The following FGD3 variants were observed in gnomAD, a reference collection of about 807,000 sequenced individuals.
FGD3 encodes FYVE, RhoGEF and PH domain containing 3, also known as FYVE, RhoGEF and PH domain-containing protein 3.
A neutral mutation model predicts 71.8 loss-of-function variants in FGD3; 45 were observed. The observed-to-expected ratio is 0.63, with a 90% CI of 0.49 to 0.80. The LOEUF (loss-of-function observed/expected upper bound fraction) is 0.80. FGD3 is among the 30% of genes least tolerant of loss of function. FGD3 has a pLI of 0.00. For synonymous variants in FGD3, 378 were observed against 392.8 expected, an observed-to-expected ratio of 0.96 and a Z score of 0.44; for missense variants, 844 against 951.5, an observed-to-expected ratio of 0.89 and a Z score of 1.49.
At chr9:92,968,292 A>G (rs982814861) in intron 1 of FGD3, among the ~76,000 whole-genome samples, 1 of 152,178 alleles carries the variant, frequency 6.6e-6, no homozygotes, top group Non-Finnish European at 1.5e-5. Flanking sequence ...GGTGTGAGCC[A>G]TATTTGTGAG....
chr9:93,034,147 G>C lies in FGD3; in HGVS notation c.1786-394G>C, dbSNP rs190546495. 1,011 of 158,352 alleles carry C rather than the reference G, an allele frequency of 6.4e-3. 8 individuals are homozygous for C. The highest frequency in any genetic ancestry group is 0.023 in the African/African-American group (949 of 41,058). 9.8% of individuals were successfully genotyped at this position (158,352 alleles called of 1,614,324 possible). A position where few individuals can be genotyped will look rare whatever the true frequency, so the allele number is the denominator to read the frequency against. ...GACAGAGGGAGGGCCTGTGTGTGTG[G>C]TGTGTGTGTGTGTGCTGTGTGTGCA... is the stretch of plus-strand genomic sequence containing the variant. On this transcript the variant is annotated intron_variant, in intron 16 of 17. Coordinates refer to ENST00000375482, the MANE Select transcript of FGD3 (RefSeq NM_001083536.2).
intron 1 of FGD3, among the ~76,000 whole-genome samples, chr9:92,962,174 C>G (rs978083511): frequency 2.0e-5 from 3 of 152,248 alleles, no homozygotes; most frequent in African/African-American, 7.2e-5. Context: ...AAGCCACAAA[C>G]CCCTCCCCAT....
At chr9:92,998,574 C>G (rs1461382970) in intron 3 of FGD3, among the ~76,000 whole-genome samples, 1 of 152,128 alleles carries the variant, frequency 6.6e-6, no homozygotes, top group East Asian at 1.9e-4. Context: ...GAATTTTCAG[C>G]TTTTCTGCTC....
Position 93,032,882 on chromosome 9 carries a change from T to C in FGD3, c.1785+9T>C, listed in dbSNP as rs776094372. 18 of 1,611,104 alleles carry C rather than the reference T, an allele frequency of 1.1e-5. No homozygotes were observed. Among genetic ancestry groups the C allele is most frequent in the Non-Finnish European group, 1.4e-5 (16 of 1,177,394 alleles). On this transcript the variant is annotated intron_variant, in intron 16 of 17. Coordinates refer to ENST00000375482, the MANE Select transcript of FGD3 (RefSeq NM_001083536.2). ...CCCCTGAGAGCACAGAGGTGGGTGC[T>C]CCCAGCTCCTGCTCCCCTCCTGGTG...
chr9:92,983,293 C>T lies in FGD3; in HGVS notation c.453+6584C>T, dbSNP rs1180520004. ...ATCCCAGCACTTTGGGAGGCTGAGG[C>T]GGGTGGATCATGAGGTCAGGAGATC... On this transcript the variant is annotated intron_variant, in intron 3 of 17. Coordinates refer to ENST00000375482, the MANE Select transcript of FGD3 (RefSeq NM_001083536.2). Among the ~76,000 whole-genome samples, 7 of 151,818 alleles carry T rather than the reference C, an allele frequency of 4.6e-5. No homozygotes were observed. The South Asian group carries it at 1.0e-3, about 23-fold the overall frequency.
intron 3 of FGD3, among the ~76,000 whole-genome samples, chr9:93,001,763 C>T (rs1180923375): frequency 6.6e-6 from 1 of 152,202 alleles, no homozygotes; most frequent in African/African-American, 2.4e-5. Context: ...CTGTGGAAAT[C>T]TGTCTGTGTG....
chr9:92,996,365 T>C (rs1348863051), intron 3 of FGD3, among the ~76,000 whole-genome samples: 1 of 152,222 alleles, frequency 6.6e-6, no homozygotes. Flanking sequence ...TTTTTCTCTC[T>C]TTTCTTCTTT....
In FGD3 at chr9:93,005,872, A is replaced by G. The variant is rs995531914; in HGVS notation, c.681-152A>G. On this transcript the variant is annotated intron_variant, in intron 5 of 17. Transcript: ENST00000375482. ...TTTTCTACTCTACATGACATAGGGG[A>G]GGAAGCTAAGGCTCAGAGAGGGTGA... 2.1e-5 allele frequency: 14 copies of G among 676,934 alleles called. No individual in the cohort carries two copies. The African/African-American group carries it at 2.4e-4, about 11-fold the overall frequency. The allele number at this position is 676,934 out of a possible 1,614,324, so 41.9% of individuals were successfully genotyped here.
intron 1 of FGD3, among the ~76,000 whole-genome samples, chr9:92,962,185 C>A (rs923915924): frequency 1.3e-4 from 20 of 152,260 alleles, no homozygotes; most frequent in Admixed American, 1.2e-3. Flanking sequence ...CCCTCCCCAT[C>A]CTCTTTTTGT....
chr9:92,990,206 G>A (rs1456384494), intron 3 of FGD3, among the ~76,000 whole-genome samples: 2 of 152,088 alleles, frequency 1.3e-5, no homozygotes, highest in African/African-American at 2.4e-5. Flanking sequence ...GGGAGGCTGA[G>A]GTGGGAGGAC....
intron 1 of FGD3, among the ~76,000 whole-genome samples, chr9:92,960,878 C>T (rs955152307): frequency 5.9e-5 from 9 of 151,868 alleles, no homozygotes; most frequent in East Asian, 1.9e-4. Context: ...GTGATCCCCC[C>T]GGGCCTCTCT....
intron 1 of FGD3, among the ~76,000 whole-genome samples, chr9:92,962,496 G>A (rs180691964): frequency 1.1e-4 from 17 of 152,318 alleles, no homozygotes; most frequent in Middle Eastern, 6.8e-3. Context: ...CCAGGGCCCC[G>A]GCATTGACAG....
At chr9:93,032,921 T>G in intron 16 of FGD3, 48 bp downstream of exon 16, 5 of 1,502,624 alleles carry the variant, frequency 3.3e-6, no homozygotes, top group Non-Finnish European at 4.6e-6. Context: ...CGGCAGAGCC[T>G]CCAGACACCT....
At chr9:93,004,733 G>GTGCCCTTCGCAGGCCCGGCTTCCCTC (rs1158726967) in intron 5 of FGD3, among the ~76,000 whole-genome samples, 1 of 152,130 alleles carries the variant, frequency 6.6e-6, no homozygotes, top group African/African-American at 2.4e-5. Context: ...TCTACTGCCT[G>GTGCCCTTCGCAGGCCCGGCTTCCCTC]TGCCCTTCGC....
chr9:92,960,367 A>C (rs1169492078), intron 1 of FGD3, among the ~76,000 whole-genome samples: 1 of 151,638 alleles, frequency 6.6e-6, no homozygotes, highest in Non-Finnish European at 1.5e-5. Flanking sequence ...TCCTATCCCC[A>C]CGTCCTCATG....
At chr9:93,019,806 A>C (rs2118788011) in intron 11 of FGD3, 25 bp from the exon 12 acceptor site, 1 of 1,612,552 alleles carries the variant, frequency 6.2e-7, no homozygotes, top group Non-Finnish European at 8.5e-7. Context: ...GACTGGATTA[A>C]TACAAGACCG....
At chr9:93,008,550 G>A (rs1435380744) in intron 6 of FGD3, among the ~76,000 whole-genome samples, 1 of 152,204 alleles carries the variant, frequency 6.6e-6, no homozygotes, top group East Asian at 1.9e-4. Flanking sequence ...GAGTGAGGCT[G>A]TGCTCTTCTC....
At chr9:92,983,106 T>C (rs1480457585) in intron 3 of FGD3, among the ~76,000 whole-genome samples, 1 of 151,676 alleles carries the variant, frequency 6.6e-6, no homozygotes, top group Non-Finnish European at 1.5e-5. Flanking sequence ...ATTCACCTTT[T>C]AAAAAGGATT....
At chr9:92,959,253 G>T (rs1032082506) in intron 1 of FGD3, among the ~76,000 whole-genome samples, 1 of 151,894 alleles carries the variant, frequency 6.6e-6, no homozygotes, top group African/African-American at 2.4e-5. Context: ...GAACCACTGC[G>T]CCCAGTCAAA....
Sources: gnomAD v4.1 joint callset for allele counts (sites outside exome capture counted in the v4.1 genomes callset) on GRCh38, gnomAD v4.1.1 for gene constraint, MANE v1.5 for transcripts, NCBI Gene and HGNC (gene_info 2026-07-23, HGNC 2026-07-21) for gene names.